CLOCK: variants seen among roughly 807,000 people sequenced by gnomAD.
CLOCK encodes circadian locomoter output cycles protein kaput.
CLOCK carries 43 observed loss-of-function variants against 118.4 expected under a neutral mutation model. The ratio of observed to expected loss-of-function variants is 0.36; its 90% CI spans 0.28 to 0.47. The LOEUF is 0.47. Among genes scored for constraint, CLOCK ranks in the 20% least tolerant of loss-of-function variants. The probability of loss-of-function intolerance (pLI) is 1.00; values close to 1 mark genes in which losing one functional copy is unlikely to be tolerated. For missense variants in CLOCK, 846 were observed against 999.9 expected (o/e 0.85, Z 2.08); for synonymous variants, 326 against 339.2 (o/e 0.96, Z 0.43).
In CLOCK at chr4:55,531,703, C is replaced by CAAAAAAAA. The variant is rs373796432; in HGVS notation, c.-290+15071_-290+15078dup. Among the ~76,000 whole-genome samples, 22 of 41,280 alleles carry CAAAAAAAA rather than the reference C, an allele frequency of 5.3e-4. 1 individual carries two copies. The highest frequency in any genetic ancestry group is 2.4e-3 in the South Asian group (1 of 416). 27.1% of individuals were successfully genotyped at this position (41,280 alleles called of 152,430 possible). A position where few individuals can be genotyped will look rare whatever the true frequency, so the allele number is the denominator to read the frequency against. On this transcript the variant is annotated intron_variant, in intron 1 of 22. Transcript: ENST00000513440. ...CTGGCGACAGAGCAAGACTTCGTCT[C>CAAAAAAAA]AAAAAAAAAAAAAAAAAAAAAAAAA...
In CLOCK at chr4:55,438,337, G is replaced by C; in HGVS notation, c.2306C>G (p.Ser769Ter). 6.2e-7 allele frequency: 1 copy of C among 1,614,050 alleles called. No individual in the cohort carries two copies. The highest frequency in any genetic ancestry group is 8.5e-7 in the Non-Finnish European group (1 of 1,180,012). The change falls in exon 22 of 23, where the codon TCA (serine) becomes TGA (stop). Residue 769 changes from serine (S) to a stop codon, truncating the protein, a stop_gained. Coordinates refer to ENST00000513440, the MANE Select transcript of CLOCK (RefSeq NM_004898.4). LOFTEE classifies it high-confidence loss of function. The part of the protein sequence containing the change: ...QQSSQEQQLT[S>*]VQQPSQAQLT... ...CTGAGCCTGAGATGGTTGCTGAACT[G>C]AAGTGAGCTGCTGCTCCTGGGAGCT... is the stretch of plus-strand genomic sequence containing the variant.
At chr4:55,537,280 A>T (rs1730966372) in intron 1 of CLOCK, among the ~76,000 whole-genome samples, 2 of 152,106 alleles carry the variant, frequency 1.3e-5, no homozygotes, top group Admixed American at 1.3e-4. Flanking sequence ...TGAGTTCAAG[A>T]CCAACATGGG....
intron 14 of CLOCK, chr4:55,453,388 T>C (rs1038895274): frequency 4.1e-6 from 2 of 493,232 alleles, no homozygotes; most frequent in Non-Finnish European, 7.1e-6. Context: ...AGGAAGTGTA[T>C]GCTTATCTAC....
rs769110870 is a variant in CLOCK, at chr4:55,444,801, C to T, written c.1540-16G>A. On this transcript the variant is annotated splice_polypyrimidine_tract_variant and intron_variant, in intron 18 of 22. Coordinates refer to ENST00000513440, the MANE Select transcript of CLOCK (RefSeq NM_004898.4). ...AAAACTGAAACTGAAGTACCATGTA[C>T]GGAAAAAGTGTAATATATTTTAGAA... 81 of 1,612,432 alleles carry T rather than the reference C, an allele frequency of 5.0e-5. No homozygotes were observed. The highest frequency in any genetic ancestry group is 4.7e-4 in the East Asian group (21 of 44,772).
rs369254580 is a variant in CLOCK at position 55,444,275 on chromosome 4, T to C, written c.1692+358A>G. 4.6e-5 allele frequency among the ~76,000 whole-genome samples: 7 copies of C among 152,342 alleles called. No individual in the cohort carries two copies. The East Asian group carries it at 7.7e-4, about 17-fold the overall frequency. On this transcript the variant is annotated intron_variant, in intron 19 of 22. Transcript: ENST00000513440. ...ATATAAGACTAATTTGAATCATACA[T>C]ACTGGTATCTTAATAAAAATATTAC...
At chr4:55,479,314 T>C (rs1726752104) in intron 5 of CLOCK, among the ~76,000 whole-genome samples, 2 of 152,266 alleles carry the variant, frequency 1.3e-5, no homozygotes, top group African/African-American at 2.4e-5. Context: ...CGCTATTCTA[T>C]GTGAAGCAGT....
chr4:55,500,864 G>A (rs1292811846), intron 2 of CLOCK, among the ~76,000 whole-genome samples: 1 of 151,936 alleles, frequency 6.6e-6, no homozygotes, highest in Non-Finnish European at 1.5e-5. Flanking sequence ...TTTTGCGCTT[G>A]TTTTTGAGAC....
chr4:55,455,876 GA>G lies in CLOCK; in HGVS notation c.982+20del, dbSNP rs1724887025. On this transcript the variant is annotated intron_variant, in intron 13 of 22. Coordinates refer to ENST00000513440, the MANE Select transcript of CLOCK (RefSeq NM_004898.4). ...GCTTATAAAACAGTTATTATCACCA[GA>G]AATGTTAAAATCTACTTACAGTGCT... 1 of 1,503,426 alleles carries G rather than the reference GA, an allele frequency of 6.7e-7. No individual in the cohort carries two copies. Among genetic ancestry groups the G allele is most frequent in the Non-Finnish European group, 9.3e-7 (1 of 1,079,544 alleles). The allele number at this position is 1,503,426 out of a possible 1,614,324, so 93.1% of individuals were successfully genotyped here.
At chr4:55,460,565 G>C (rs1391026964) in intron 9 of CLOCK, among the ~76,000 whole-genome samples, 1 of 152,104 alleles carries the variant, frequency 6.6e-6, no homozygotes, top group East Asian at 1.9e-4. Flanking sequence ...ATTTCACCAA[G>C]GAAGCCTGCC....
chr4:55,539,523 T>C (rs1276295147), intron 1 of CLOCK, among the ~76,000 whole-genome samples: 1 of 130,244 alleles, frequency 7.7e-6, no homozygotes, highest in Non-Finnish European at 1.5e-5. Flanking sequence ...CAGTGAGCCA[T>C]GTTCACACCA....
intron 1 of CLOCK, among the ~76,000 whole-genome samples, chr4:55,529,693 A>C (rs760806387): frequency 1.3e-5 from 2 of 152,206 alleles, no homozygotes; most frequent in Non-Finnish European, 2.9e-5. Context: ...GGTAGGTATT[A>C]TTATCCTCAT....
Position 55,444,741 on chromosome 4 carries a change from G to C in CLOCK, c.1584C>G (p.Asp528Glu), listed in dbSNP as rs34812164. The change falls in exon 19 of 23, where the codon GAC becomes GAG. Residue 528 changes from aspartate (D) to glutamate (E), a missense_variant. Physicochemically the swap from Asp to Glu is conservative, Grantham distance 45. This residue lies in a region of CLOCK where 520 missense variants were observed against 558.0 expected (regional missense o/e 0.93). Transcript: ENST00000513440. ...TCATGCGTGTCCGTTGTTCCAATTG[G>C]TCTTTCAGATGTTGCATGGCTCCTA... ...AQLGAMQHLK[D>E]QLEQRTRMIE... The C allele has an allele frequency of 1.9e-6, 3 of 1,613,884 alleles. No individual in the cohort carries two copies. The highest frequency in any genetic ancestry group is 2.5e-6 in the Non-Finnish European group (3 of 1,180,008).
At chr4:55,440,787 T>C (rs539401456) in intron 21 of CLOCK, among the ~76,000 whole-genome samples, 1 of 152,292 alleles carries the variant, frequency 6.6e-6, no homozygotes, top group South Asian at 2.1e-4. Context: ...CTCACACTTC[T>C]GCAGCTTTGT....
chr4:55,503,608 CA>C (rs1201782962), intron 2 of CLOCK, among the ~76,000 whole-genome samples: 5 of 151,294 alleles, frequency 3.3e-5, no homozygotes, highest in Admixed American at 1.3e-4. Context: ...AAAGAGTAAA[CA>C]AAAAAAAGTT....
intron 18 of CLOCK, among the ~76,000 whole-genome samples, chr4:55,448,137 C>G (rs1724035330): frequency 6.6e-6 from 1 of 152,218 alleles, no homozygotes; most frequent in Admixed American, 6.5e-5. Flanking sequence ...TACATACTTT[C>G]AGCACAGGCA....
chr4:55,455,318 C>T (rs896318744), intron 13 of CLOCK, among the ~76,000 whole-genome samples: 4 of 152,196 alleles, frequency 2.6e-5, no homozygotes, highest in African/African-American at 9.7e-5. Context: ...GGGTGAATTA[C>T]TTAGCCTTAC....
chr4:55,537,489 C>T (rs986298837), intron 1 of CLOCK, among the ~76,000 whole-genome samples: 5 of 152,048 alleles, frequency 3.3e-5, no homozygotes, highest in East Asian at 1.9e-4. Flanking sequence ...CATGATGGCA[C>T]GCGCCTGTAA....
intron 8 of CLOCK, among the ~76,000 whole-genome samples, chr4:55,469,027 C>A (rs901789797): frequency 6.6e-6 from 1 of 152,092 alleles, no homozygotes; most frequent in Non-Finnish European, 1.5e-5. Context: ...AAGTTTAGCA[C>A]ATAAAATTAT....
At chr4:55,489,734 T>G (rs1727546723) in intron 2 of CLOCK, among the ~76,000 whole-genome samples, 1 of 152,074 alleles carries the variant, frequency 6.6e-6, no homozygotes, top group African/African-American at 2.4e-5. Flanking sequence ...GTATACAACA[T>G]AAAAGGATAA....
Sources: gnomAD v4.1 joint callset for allele counts (sites outside exome capture counted in the v4.1 genomes callset) on GRCh38, gnomAD v4.1.1 for gene constraint, gnomAD v4.1.1 regional missense constraint, MANE v1.5 for transcripts, NCBI Gene and HGNC (gene_info 2026-07-23, HGNC 2026-07-21) for gene names.